Variants in CEP162 observed in about 807,000 individuals in gnomAD.
CEP162 encodes the protein centrosomal protein of 162 kDa.
A neutral mutation model predicts 169.2 loss-of-function variants in CEP162; 141 were observed. The observed-to-expected ratio is 0.83, with a 90% CI of 0.73 to 0.96. CEP162 has a LOEUF of 0.96. Ranked by LOEUF, CEP162 falls within the 40% of genes least tolerant of loss-of-function variation. The pLI is 0.00. For missense variants in CEP162, 1,600 were observed against 1,587.2 expected (o/e 1.01, Z -0.14); for synonymous variants, 540 against 526.4 (o/e 1.03, Z -0.35).
chr6:84,133,234 A>AG (rs2099512366), intron 25 of CEP162, among the ~76,000 whole-genome samples: 1 of 152,116 alleles, frequency 6.6e-6, no homozygotes, highest in South Asian at 2.1e-4. Context: ...TTTGTCTCAG[A>AG]GGGGCACCCG....
chr6:84,227,197 G>C (rs1043536580), intron 1 of CEP162, among the ~76,000 whole-genome samples: 1 of 152,164 alleles, frequency 6.6e-6, no homozygotes, highest in African/African-American at 2.4e-5. Flanking sequence ...CCCTAGAGCA[G>C]CTCAAATCCC....
At chr6:84,196,425 C>A (rs1243264594) in intron 9 of CEP162, among the ~76,000 whole-genome samples, 2 of 152,138 alleles carry the variant, frequency 1.3e-5, no homozygotes, top group Non-Finnish European at 2.9e-5. Flanking sequence ...ATGTCTTTAT[C>A]AACAGCATGA....
intron 25 of CEP162, among the ~76,000 whole-genome samples, chr6:84,145,210 A>C (rs2129196905): frequency 6.6e-6 from 1 of 152,202 alleles, no homozygotes; most frequent in East Asian, 1.9e-4. Context: ...TATTTGGGGG[A>C]TCTCTAGAAG....
chr6:84,215,180 G>T (rs6919220), intron 5 of CEP162, 102 bp downstream of exon 5: 69,245 of 557,366 alleles, frequency 0.12, 14,056 homozygotes, highest in African/African-American at 0.7. Context: ...TAAGATTTAA[G>T]TTTGCCTGTT....
chr6:84,186,671 T>G (rs778974774), intron 11 of CEP162, 48 bp from the exon 12 acceptor site: 20 of 1,476,384 alleles, frequency 1.4e-5, no homozygotes, highest in Non-Finnish European at 1.8e-5. Context: ...GTAACAGCTT[T>G]TCAAATATCA....
chr6:84,176,126 T>A (rs1305204694), intron 13 of CEP162, among the ~76,000 whole-genome samples: 1 of 152,074 alleles, frequency 6.6e-6, no homozygotes, highest in East Asian at 1.9e-4. Flanking sequence ...ATCTGATTGC[T>A]TTAGAGATAA....
Position 84,221,066 on chromosome 6 carries a change from T to C in CEP162, c.163A>G (p.Lys55Glu), listed in dbSNP as rs1172541888. 4.5e-6 allele frequency: 7 copies of C among 1,549,260 alleles called. No homozygotes were observed. The highest frequency in any genetic ancestry group is 6.2e-6 in the Non-Finnish European group (7 of 1,122,654). ...AATCAGCAACATTTACCATCATCTT[T>C]AAAATCATCTTCAGTTATCCACCAA... The part of the protein sequence containing the change: ...VPWWITEDDF[K>E]DDGLLGTNVS... The change falls in exon 3 of 27, where the codon AAA becomes GAA. Residue 55 changes from lysine (K) to glutamate (E), a missense_variant. Transcript: ENST00000403245.
At position 84,193,679 on chromosome 6, in the gene CEP162, C is replaced by A; in HGVS notation, c.1039G>T (p.Val347Leu). ...ISTMESDLPT[V>L]EELMKPIRID... is the part of the protein sequence containing the mutation. ...CTGATAGGTTTCATCAGCTCCTCTA[C>A]TGTGGGCAGATCTAAGAGGTGGAAA... The change falls in exon 11 of 27, where the codon GTA becomes TTA. Residue 347 changes from valine to leucine, a missense_variant. Coordinates refer to ENST00000403245, the MANE Select transcript of CEP162 (RefSeq NM_014895.4). 6.4e-7 allele frequency: 1 copy of A among 1,562,476 alleles called. No homozygotes were observed. Among genetic ancestry groups the A allele is most frequent in the Non-Finnish European group, 8.7e-7 (1 of 1,152,208 alleles).
chr6:84,174,179 A>C lies in CEP162; in HGVS notation c.2035T>G (p.Phe679Val), dbSNP rs775175056. Residue 679 changes from phenylalanine to valine, a missense_variant, in exon 16 of 27, where the codon TTT becomes GTT. By Grantham distance (50) the Phe-to-Val change is conservative (BLOSUM62 -1). Coordinates refer to ENST00000403245, the MANE Select transcript of CEP162 (RefSeq NM_014895.4). Reference sequence around the variant, plus strand: ...CTTTGTTTTTTGTTTGTTTCTTCAAAGCTGCTTAACTTGGAGAAATTGCAG... The same window carrying C: ...CTTTGTTTTTTGTTTGTTTCTTCAACGCTGCTTAACTTGGAGAAATTGCAG... ...NYILQAKLSS[F>V]EETNKKQRWL... The C allele has an allele frequency of 1.9e-6, 3 of 1,604,042 alleles. No individual in the cohort carries two copies. The highest frequency in any genetic ancestry group is 2.6e-6 in the Non-Finnish European group (3 of 1,174,840).
chr6:84,132,949 T>C (rs2099512229), intron 25 of CEP162, among the ~76,000 whole-genome samples: 1 of 152,116 alleles, frequency 6.6e-6, no homozygotes, highest in Non-Finnish European at 1.5e-5. Flanking sequence ...ATTTTTGGAA[T>C]TTTCAGCTTT....
At chr6:84,159,309 G>T (rs954962697) in intron 21 of CEP162, among the ~76,000 whole-genome samples, 1 of 150,074 alleles carries the variant, frequency 6.7e-6, no homozygotes, top group Non-Finnish European at 1.5e-5. Context: ...TTTATAAAGT[G>T]GTATATCTCT....
In CEP162 at chr6:84,174,047, C is replaced by A. The variant is rs759043831; in HGVS notation, c.2166+1G>T. On this transcript the variant is annotated splice_donor_variant, in intron 16 of 26. Coordinates refer to ENST00000403245, the MANE Select transcript of CEP162 (RefSeq NM_014895.4). LOFTEE classifies it high-confidence loss of function. ...TGCCATATGTTGAAGAATTGCCATA[C>A]CTGTTGATATCCTTGAAGAAGTGTC... The A allele has an allele frequency of 5.0e-6, 8 of 1,608,006 alleles. No individual in the cohort carries two copies. The East Asian group carries it at 1.6e-4, about 31-fold the overall frequency.
chr6:84,197,746 G>C (rs897063724), intron 9 of CEP162, among the ~76,000 whole-genome samples: 2 of 151,840 alleles, frequency 1.3e-5, no homozygotes, highest in Non-Finnish European at 1.5e-5. Context: ...GAACCCAGGA[G>C]GTGGAGACTG....
At chr6:84,193,138 G>A (rs866587162) in intron 11 of CEP162, among the ~76,000 whole-genome samples, 3 of 152,154 alleles carry the variant, frequency 2.0e-5, no homozygotes, top group South Asian at 2.1e-4. Flanking sequence ...AATGACAGTG[G>A]GTCACACATA....
At chr6:84,202,922 C>A (rs2099545216) in intron 7 of CEP162, among the ~76,000 whole-genome samples, 1 of 152,030 alleles carries the variant, frequency 6.6e-6, no homozygotes, top group Non-Finnish European at 1.5e-5. Flanking sequence ...ACTAAGTAAA[C>A]TTGAAAATAA....
At chr6:84,188,975 A>G (rs1323251696) in intron 11 of CEP162, among the ~76,000 whole-genome samples, 4 of 151,922 alleles carry the variant, frequency 2.6e-5, no homozygotes, top group African/African-American at 7.3e-5. Context: ...TATTTCTCTA[A>G]TGATTAGTGA....
chr6:84,128,757 T>C (rs1450944773), intron 25 of CEP162, among the ~76,000 whole-genome samples: 1 of 152,108 alleles, frequency 6.6e-6, no homozygotes, highest in African/African-American at 2.4e-5. Flanking sequence ...GTTTGTTACA[T>C]AGGTATACAC....
At chr6:84,221,662 A>G (rs981225459) in intron 2 of CEP162, among the ~76,000 whole-genome samples, 1 of 151,880 alleles carries the variant, frequency 6.6e-6, no homozygotes, top group African/African-American at 2.4e-5. Flanking sequence ...GCTTTTTTCT[A>G]CTCTTCCAAT....
rs185779515 is a variant in CEP162 at position 84,132,031 on chromosome 6, T to G, written c.3871-5519A>C. ...TTCCTTCAGGAGCTCTTGTAAGGCA[T>G]GCCTGGTGGTGACAAAATCTCTCAG... On this transcript the variant is annotated intron_variant, in intron 25 of 26. Coordinates refer to ENST00000403245, the MANE Select transcript of CEP162 (RefSeq NM_014895.4). Among the ~76,000 whole-genome samples the G allele has an allele frequency of 3.0e-3, 458 of 152,254 alleles. 2 individuals carry two copies. The highest frequency in any genetic ancestry group is 0.01 in the African/African-American group (417 of 41,564).
Sources: gnomAD v4.1 joint callset for allele counts (sites outside exome capture counted in the v4.1 genomes callset) on GRCh38, gnomAD v4.1.1 for gene constraint, MANE v1.5 for transcripts, NCBI Gene and HGNC (gene_info 2026-07-23, HGNC 2026-07-21) for gene names.